The following DPP10 variants were observed in gnomAD, a reference collection of about 807,000 sequenced individuals.
DPP10 encodes inactive dipeptidyl peptidase 10.
In DPP10, 33 loss-of-function variants were observed where a neutral mutation model predicts 120.9. The ratio of observed to expected loss-of-function variants is 0.27; its 90% CI spans 0.21 to 0.37. DPP10 has a LOEUF of 0.37. DPP10 is among the 10% of genes least tolerant of loss of function. DPP10 has a pLI of 1.00. For missense variants in DPP10, 816 were observed against 942.8 expected, an observed-to-expected ratio of 0.87 and a Z score of 1.76; for synonymous variants, 337 against 326.1, an observed-to-expected ratio of 1.03 and a Z score of -0.36.
intron 1 of DPP10, among the ~76,000 whole-genome samples, chr2:114,761,249 C>T (rs149090849): frequency 3.9e-5 from 6 of 152,004 alleles, no homozygotes; most frequent in South Asian, 2.1e-4. Context: ...AAAAAGATGG[C>T]GTACTTTCAG....
intron 1 of DPP10, among the ~76,000 whole-genome samples, chr2:115,290,877 T>C (rs1268569486): frequency 6.6e-6 from 1 of 152,136 alleles, no homozygotes; most frequent in Non-Finnish European, 1.5e-5. Context: ...AAAACAGAGA[T>C]AAGGCAAATC....
intron 8 of DPP10, among the ~76,000 whole-genome samples, chr2:115,731,144 G>T (rs918048773): frequency 5.3e-5 from 8 of 152,098 alleles, no homozygotes; most frequent in Non-Finnish European, 1.2e-4. Context: ...TGGATCATGA[G>T]GTCAGGAGAT....
intron 1 of DPP10, among the ~76,000 whole-genome samples, chr2:114,864,432 T>C (rs1289817421): frequency 2.0e-5 from 3 of 152,142 alleles, no homozygotes; most frequent in Non-Finnish European, 4.4e-5. Flanking sequence ...ACAAGTGTTA[T>C]TAAAGGAAAT....
chr2:114,475,058 G>C (rs1207555255), intron 1 of DPP10, among the ~76,000 whole-genome samples: 2 of 152,212 alleles, frequency 1.3e-5, no homozygotes, highest in East Asian at 1.9e-4. Flanking sequence ...GGCTTCTATA[G>C]AGCATTAAAG....
At chr2:115,603,948 A>G (rs922223409) in intron 5 of DPP10, among the ~76,000 whole-genome samples, 1 of 152,190 alleles carries the variant, frequency 6.6e-6, no homozygotes, top group Admixed American at 6.5e-5. Context: ...TAAGAAAGAC[A>G]TACATTTCAA....
In DPP10 at chr2:114,716,697, A is replaced by G. The variant is rs1701370457; in HGVS notation, c.60+273859A>G. Among the ~76,000 whole-genome samples the G allele has an allele frequency of 3.3e-5, 5 of 152,292 alleles. No homozygotes were observed. The South Asian group carries it at 1.0e-3, about 32-fold the overall frequency. Reference sequence around the variant, plus strand: ...CCTTGTTCAAAAGATAAAGTAGATAATTTGTAAGATCTCTAAAAACCATAG... The same window carrying G: ...CCTTGTTCAAAAGATAAAGTAGATAGTTTGTAAGATCTCTAAAAACCATAG... On this transcript the variant is annotated intron_variant, in intron 1 of 25. Transcript: ENST00000410059.
At chr2:115,535,072 C>T (rs1299599929) in intron 5 of DPP10, among the ~76,000 whole-genome samples, 1 of 150,952 alleles carries the variant, frequency 6.6e-6, no homozygotes, top group African/African-American at 2.4e-5. Flanking sequence ...TGCCTGTTCA[C>T]TCTGATGGTA....
At chr2:114,777,069 T>G (rs1481984049) in intron 1 of DPP10, among the ~76,000 whole-genome samples, 1 of 152,220 alleles carries the variant, frequency 6.6e-6, no homozygotes, top group African/African-American at 2.4e-5. Context: ...ATTATTGGAC[T>G]AAAAGCAGTT....
At chr2:114,516,084 C>G (rs368733312) in intron 1 of DPP10, among the ~76,000 whole-genome samples, 6 of 152,160 alleles carry the variant, frequency 3.9e-5, no homozygotes, top group Non-Finnish European at 7.4e-5. Context: ...TTCAGTGGAT[C>G]TGAGGGAGCC....
chr2:114,769,446 G>C (rs1681050410), intron 1 of DPP10, among the ~76,000 whole-genome samples: 1 of 152,172 alleles, frequency 6.6e-6, no homozygotes, highest in African/African-American at 2.4e-5. Flanking sequence ...TCGATACAGG[G>C]AAGCTAGCAT....
At position 115,415,354 on chromosome 2, in the gene DPP10, C is replaced by T. The variant is rs2069294357; in HGVS notation, c.271+71442C>T. 2.0e-5 allele frequency among the ~76,000 whole-genome samples: 3 copies of T among 152,274 alleles called. No homozygotes were observed. In the South Asian group the frequency reaches 6.2e-4, roughly 32 times the overall value. On this transcript the variant is annotated intron_variant, in intron 3 of 25. Transcript: ENST00000410059. Reference sequence around the variant, plus strand: ...GGCCCCATTACAGACCAGACATTTCCACTCACAGCTGCTTCTGTATCTATC... The same window carrying T: ...GGCCCCATTACAGACCAGACATTTCTACTCACAGCTGCTTCTGTATCTATC...
intron 19 of DPP10, among the ~76,000 whole-genome samples, chr2:115,798,553 T>C (rs1575808282): frequency 6.6e-6 from 1 of 152,124 alleles, no homozygotes. Flanking sequence ...TCAAAGTGTG[T>C]CTATGATGAT....
intron 1 of DPP10, among the ~76,000 whole-genome samples, chr2:115,292,673 A>T (rs1313584731): frequency 1.3e-5 from 2 of 152,128 alleles, no homozygotes; most frequent in Admixed American, 1.3e-4. Context: ...CTCTCAGTAC[A>T]TCACAAGTAT....
At chr2:115,733,934 T>TA (rs538885353) in intron 8 of DPP10, among the ~76,000 whole-genome samples, 12 of 152,338 alleles carry the variant, frequency 7.9e-5, no homozygotes, top group African/African-American at 2.6e-4. Flanking sequence ...AATAATATAA[T>TA]ATAATTAACA....
At chr2:115,198,778 G>A (rs2055476319) in intron 1 of DPP10, among the ~76,000 whole-genome samples, 1 of 152,016 alleles carries the variant, frequency 6.6e-6, no homozygotes. Context: ...AATCTCCAGT[G>A]CCTATGTCAA....
intron 1 of DPP10, among the ~76,000 whole-genome samples, chr2:114,854,623 G>A (rs1024153215): frequency 6.6e-6 from 1 of 152,166 alleles, no homozygotes; most frequent in African/African-American, 2.4e-5. Flanking sequence ...AACAGGGTTT[G>A]AGGAAGCTCT....
At chr2:115,714,553 T>A (rs1056064804) in intron 7 of DPP10, among the ~76,000 whole-genome samples, 1 of 152,226 alleles carries the variant, frequency 6.6e-6, no homozygotes, top group African/African-American at 2.4e-5. Flanking sequence ...TCTCTTGTTC[T>A]CCAATAATTC....
intron 1 of DPP10, among the ~76,000 whole-genome samples, chr2:114,929,975 C>A (rs1416898659): frequency 3.9e-5 from 6 of 152,110 alleles, no homozygotes; most frequent in Non-Finnish European, 8.8e-5. Flanking sequence ...TCAGCCAGTC[C>A]CTCCGTTCAG....
chr2:115,339,239 A>C (rs2063319107), intron 2 of DPP10, among the ~76,000 whole-genome samples: 1 of 152,190 alleles, frequency 6.6e-6, no homozygotes, highest in Non-Finnish European at 1.5e-5. Flanking sequence ...TACTAGAGAA[A>C]TGCAAATTAA....
Sources: allele counts gnomAD v4.1 joint callset (sites outside exome capture counted in the v4.1 genomes callset), GRCh38; gene constraint gnomAD v4.1.1; transcripts MANE v1.5; gene names NCBI Gene and HGNC (gene_info 2026-07-23, HGNC 2026-07-21).